Variants in SEMA5A observed in about 807,000 individuals in gnomAD.
SEMA5A encodes semaphorin 5A.
SEMA5A carries 55 observed loss-of-function variants against 135.5 expected under a neutral mutation model. That is an observed-to-expected ratio of 0.41 (90% CI 0.33 to 0.51). The LOEUF (loss-of-function observed/expected upper bound fraction) is 0.51, where lower values mean the gene tolerates loss of function less well. Among genes scored for constraint, SEMA5A ranks in the 20% least tolerant of loss-of-function variants. SEMA5A has a pLI of 0.37. For missense variants in SEMA5A, 1,290 were observed against 1,419.9 expected, an observed-to-expected ratio of 0.91 and a Z score of 1.47; for synonymous variants, 580 against 546.5, an observed-to-expected ratio of 1.06 and a Z score of -0.85.
At chr5:9,307,227 C>A (rs1013714567) in intron 5 of SEMA5A, among the ~76,000 whole-genome samples, 7 of 152,158 alleles carry the variant, frequency 4.6e-5, no homozygotes, top group African/African-American at 7.2e-5. Flanking sequence ...AGAATTGATA[C>A]AAGCAGATTA....
chr5:9,078,035 G>C (rs1738166434), intron 16 of SEMA5A, among the ~76,000 whole-genome samples: 1 of 152,138 alleles, frequency 6.6e-6, no homozygotes, highest in Non-Finnish European at 1.5e-5. Flanking sequence ...TGATTTGTGG[G>C]CATTTTGCTT....
At chr5:9,266,093 T>C (rs1207355637) in intron 5 of SEMA5A, among the ~76,000 whole-genome samples, 1 of 152,210 alleles carries the variant, frequency 6.6e-6, no homozygotes, top group Admixed American at 6.5e-5. Context: ...TGCCGCACTG[T>C]ATGAGCTCCA....
chr5:9,341,142 C>T (rs1732410860), intron 3 of SEMA5A, among the ~76,000 whole-genome samples: 1 of 151,440 alleles, frequency 6.6e-6, no homozygotes, highest in South Asian at 2.1e-4. Context: ...TAATAAACTT[C>T]CAAGTACAAT....
rs558925601 is a variant in SEMA5A, at chr5:9,508,318, G to A, written c.-175+37266C>T. ...CACCGCATCCAGTAGTCACCGAATC[G>A]TGTACATCAAGCCTCCTAAATATCT... On this transcript the variant is annotated intron_variant, in intron 1 of 22. Transcript: ENST00000382496. Among the ~76,000 whole-genome samples the A allele has an allele frequency of 4.6e-5, 7 of 152,234 alleles. No homozygotes were observed. In the South Asian group the frequency reaches 8.3e-4, roughly 18 times the overall value.
chr5:9,273,644 A>T (rs1175213813), intron 5 of SEMA5A, among the ~76,000 whole-genome samples: 5 of 152,182 alleles, frequency 3.3e-5, no homozygotes, highest in African/African-American at 1.2e-4. Flanking sequence ...CAGATCTCGC[A>T]GCAGAAACTC....
At chr5:9,419,941 C>T (rs1757408371) in intron 2 of SEMA5A, among the ~76,000 whole-genome samples, 1 of 152,064 alleles carries the variant, frequency 6.6e-6, no homozygotes. Flanking sequence ...TGATGTACAT[C>T]CCAAAAGCTC....
intron 5 of SEMA5A, among the ~76,000 whole-genome samples, chr5:9,263,966 C>G (rs527760069): frequency 3.9e-5 from 6 of 152,298 alleles, no homozygotes; most frequent in African/African-American, 1.4e-4. Context: ...AAGTGAATTT[C>G]TCTAGAAAAT....
chr5:9,166,660 A>T (rs747710679), intron 11 of SEMA5A, among the ~76,000 whole-genome samples: 2 of 152,170 alleles, frequency 1.3e-5, no homozygotes, highest in Non-Finnish European at 2.9e-5. Flanking sequence ...ACAAAACCTC[A>T]AAAGCTCCTT....
chr5:9,127,735 G>A (rs148075244), intron 13 of SEMA5A, among the ~76,000 whole-genome samples: 1 of 152,148 alleles, frequency 6.6e-6, no homozygotes, highest in African/African-American at 2.4e-5. Flanking sequence ...GGACAAATTA[G>A]AGAATTTGAG....
chr5:9,466,382 TAAAA>T (rs10608363), intron 1 of SEMA5A, among the ~76,000 whole-genome samples: 1 of 143,102 alleles, frequency 7.0e-6, no homozygotes, highest in Admixed American at 6.9e-5. Flanking sequence ...TAATAAAATT[TAAAA>T]AAAAAAAAAA....
intron 11 of SEMA5A, among the ~76,000 whole-genome samples, chr5:9,162,558 GTGTGTGTATATATATA>G (rs1743337534): frequency 4.5e-4 from 13 of 28,774 alleles, no homozygotes; most frequent in South Asian, 9.2e-4. Context: ...ATATGTGTGT[GTGTGTGTATATATATA>G]TATATATATA....
At chr5:9,147,536 C>A (rs767078939) in intron 12 of SEMA5A, among the ~76,000 whole-genome samples, 1 of 151,952 alleles carries the variant, frequency 6.6e-6, no homozygotes, top group South Asian at 2.1e-4. Flanking sequence ...TCCCAAAGTG[C>A]GGGGATTATA....
intron 13 of SEMA5A, among the ~76,000 whole-genome samples, chr5:9,133,761 T>G (rs986460890): frequency 1.0e-4 from 15 of 150,376 alleles, no homozygotes; most frequent in African/African-American, 3.4e-4. Flanking sequence ...TCTGAAATAT[T>G]AAATCTTTCC....
chr5:9,255,600 C>T (rs545261193), intron 5 of SEMA5A, among the ~76,000 whole-genome samples: 101 of 152,292 alleles, frequency 6.6e-4, no homozygotes, highest in African/African-American at 2.3e-3. Flanking sequence ...AGGTTTTCTT[C>T]CTCATCACTA....
intron 5 of SEMA5A, among the ~76,000 whole-genome samples, chr5:9,289,447 C>T (rs913398885): frequency 2.6e-5 from 4 of 152,070 alleles, no homozygotes; most frequent in East Asian, 1.9e-4. Flanking sequence ...AGGCAGATCG[C>T]GAGGTCAGGA....
intron 12 of SEMA5A, among the ~76,000 whole-genome samples, chr5:9,147,409 T>TTA (rs757241361): frequency 3.5e-4 from 53 of 152,156 alleles, no homozygotes; most frequent in Admixed American, 1.1e-3. Flanking sequence ...GTAGCTGGTT[T>TTA]TACAGGCTTG....
At chr5:9,081,154 C>G (rs1428063618) in intron 16 of SEMA5A, among the ~76,000 whole-genome samples, 1 of 152,142 alleles carries the variant, frequency 6.6e-6, no homozygotes, top group South Asian at 2.1e-4. Flanking sequence ...AGATCTCAGT[C>G]CTAAAACTAC....
intron 5 of SEMA5A, among the ~76,000 whole-genome samples, chr5:9,316,815 G>A (rs1231806624): frequency 6.6e-6 from 1 of 152,082 alleles, no homozygotes; most frequent in South Asian, 2.1e-4. Flanking sequence ...GAGAACACTT[G>A]AAATCTACTC....
intron 16 of SEMA5A, among the ~76,000 whole-genome samples, chr5:9,101,250 A>T (rs139403648): frequency 0.011 from 1,613 of 152,334 alleles, 20 homozygotes; most frequent in Non-Finnish European, 0.019. Context: ...TACTTATCAA[A>T]TATTAGATGA....
Sources: allele counts gnomAD v4.1 joint callset (sites outside exome capture counted in the v4.1 genomes callset), GRCh38; gene constraint gnomAD v4.1.1; transcripts MANE v1.5; gene names NCBI Gene and HGNC (gene_info 2026-07-23, HGNC 2026-07-21).